The following CELF1 variants were observed in gnomAD, a reference collection of about 807,000 sequenced individuals.
CELF1 encodes the protein 50 kDa nuclear polyadenylated RNA-binding protein.
A neutral mutation model predicts 61.8 loss-of-function variants in CELF1; 10 were observed. That is an observed-to-expected ratio of 0.16 (90% confidence interval 0.10 to 0.27). CELF1 has a LOEUF of 0.27. CELF1 is among the 10% of genes least tolerant of loss of function. The pLI is 1.00. For missense variants in CELF1, 380 were observed against 639.1 expected, an observed-to-expected ratio of 0.59 and a Z score of 4.37; for synonymous variants, 236 against 225.1, an observed-to-expected ratio of 1.05 and a Z score of -0.43.
At chr11:47,513,149 T>C (rs1015987711) in intron 1 of CELF1, among the ~76,000 whole-genome samples, 16 of 152,348 alleles carry the variant, frequency 1.1e-4, no homozygotes, top group Middle Eastern at 3.4e-3. Context: ...TAAACAGCTA[T>C]CTAGTTTAGT....
At chr11:47,542,323 G>A (rs1598414208) in intron 1 of CELF1, among the ~76,000 whole-genome samples, 1 of 151,982 alleles carries the variant, frequency 6.6e-6, no homozygotes, top group Admixed American at 6.6e-5. Context: ...AGCTGAGATC[G>A]CACCACTGCA....
chr11:47,499,647 G>A, intron 2 of CELF1, 43 bp from the exon 3 acceptor site: 1 of 718,198 alleles, frequency 1.4e-6, no homozygotes, highest in East Asian at 2.7e-5. Flanking sequence ...GGAGCTCAGG[G>A]AAACCAGCAA....
At chr11:47,557,169 G>A (rs2097207943), upstream of CELF1, among the ~76,000 whole-genome samples, 1 of 151,520 alleles carries the variant, frequency 6.6e-6, no homozygotes, top group African/African-American at 2.4e-5. Context: ...CAAAGTGCCG[G>A]GAGCCACCAC....
At chr11:47,487,010 G>T in intron 5 of CELF1, 149 bp downstream of exon 5, 1 of 740,940 alleles carries the variant, frequency 1.3e-6, no homozygotes, top group Non-Finnish European at 2.3e-6. Flanking sequence ...GGTAATCTCT[G>T]AACTGCTCCC....
At position 47,540,505 on chromosome 11, in the gene CELF1, G is replaced by C. The variant is rs80113656; in HGVS notation, c.-154+12487C>G. 8.0e-3 allele frequency among the ~76,000 whole-genome samples: 1,213 copies of C among 152,322 alleles called. 14 individuals are homozygous for C. The highest frequency in any genetic ancestry group is 0.027 in the African/African-American group (1,136 of 41,574). ...CCCACTAGCTGACAAATGTCAAACA[G>C]TTATGCATTTTCAAGCTGTCATCAC... On this transcript the variant is annotated intron_variant, in intron 1 of 14. Transcript: ENST00000687097.
chr11:47,547,158 C>T (rs1008135204), intron 1 of CELF1, among the ~76,000 whole-genome samples: 1 of 144,118 alleles, frequency 6.9e-6, no homozygotes, highest in African/African-American at 2.6e-5. Context: ...ATTTAAAATG[C>T]TATAAACAGT....
At chr11:47,473,753 C>T (rs745435921) in intron 13 of CELF1, among the ~76,000 whole-genome samples, 7 of 152,128 alleles carry the variant, frequency 4.6e-5, no homozygotes, top group Non-Finnish European at 1.0e-4. Flanking sequence ...TTTGTCAATA[C>T]TCATATAGCT....
chr11:47,492,221 T>C (rs1199074602), intron 3 of CELF1, among the ~76,000 whole-genome samples: 1 of 152,076 alleles, frequency 6.6e-6, no homozygotes. Context: ...CTCAAACGAT[T>C]CTCCCACCTC....
At chr11:47,528,890 CA>C (rs112934426) in intron 1 of CELF1, among the ~76,000 whole-genome samples, 56 of 140,906 alleles carry the variant, frequency 4.0e-4, no homozygotes, top group Non-Finnish European at 5.5e-4. Flanking sequence ...GACCCTGCCT[CA>C]AAAAAAAAAA....
chr11:47,535,870 C>A (rs1003878226), intron 1 of CELF1, among the ~76,000 whole-genome samples: 22 of 151,480 alleles, frequency 1.5e-4, no homozygotes, highest in African/African-American at 5.3e-4. Context: ...TCAAGCGAGC[C>A]TCCTGCCTCA....
chr11:47,552,685 C>T (rs1271039644), intron 1 of CELF1, among the ~76,000 whole-genome samples: 2 of 152,212 alleles, frequency 1.3e-5, no homozygotes, highest in East Asian at 3.9e-4. Flanking sequence ...GGGCACGAGG[C>T]CTCTGAGCCT....
chr11:47,502,656 C>T (rs147977537), intron 1 of CELF1, among the ~76,000 whole-genome samples: 8 of 152,070 alleles, frequency 5.3e-5, no homozygotes, highest in Non-Finnish European at 1.0e-4. Flanking sequence ...CACGGTGAAA[C>T]CCTGTCTCTA....
chr11:47,493,212 A>T (rs1416284512), intron 3 of CELF1, among the ~76,000 whole-genome samples: 1 of 151,850 alleles, frequency 6.6e-6, no homozygotes, highest in Non-Finnish European at 1.5e-5. Context: ...ATACCAATTC[A>T]ATAGCCAGAA....
chr11:47,552,919 G>A (rs1490461844), intron 1 of CELF1, 73 bp downstream of exon 1: 1 of 397,268 alleles, frequency 2.5e-6, no homozygotes. Context: ...GACCCGCCCC[G>A]CGGCGCCTCC....
chr11:47,525,114 G>A (rs1208286910), intron 1 of CELF1, among the ~76,000 whole-genome samples: 1 of 152,134 alleles, frequency 6.6e-6, no homozygotes, highest in Non-Finnish European at 1.5e-5. Flanking sequence ...TTCTCCATTC[G>A]AGTGAACAAT....
intron 3 of CELF1, among the ~76,000 whole-genome samples, chr11:47,490,139 A>ATGTT (rs2090649785): frequency 6.6e-6 from 1 of 150,802 alleles, no homozygotes. Context: ...GGCTTTCACC[A>ATGTT]TGTTGGCCAG....
chr11:47,479,389 C>CA (rs2081740955), intron 9 of CELF1, among the ~76,000 whole-genome samples: 1 of 152,258 alleles, frequency 6.6e-6, no homozygotes, highest in South Asian at 2.1e-4. Flanking sequence ...TCTGGATACT[C>CA]AATTTCTACT....
chr11:47,557,206 GGTTTTGTTT>G (rs1340974517), upstream of CELF1, among the ~76,000 whole-genome samples: 2 of 150,200 alleles, frequency 1.3e-5, no homozygotes, highest in East Asian at 2.0e-4. Context: ...TTTCTTTCTT[GGTTTTGTTT>G]GTTTTGTTTT....
Position 47,472,173 on chromosome 11 carries a change from T to C in CELF1, c.*57A>G. The C allele has an allele frequency of 6.3e-7, 1 of 1,598,130 alleles. No individual in the cohort carries two copies. ...CCTCAGGGCTTCGAATCATTAAGGG[T>C]GCTCCTCCCCCACTTACCAGAAGAC... is the stretch of plus-strand genomic sequence containing the variant. On this transcript the variant is annotated 3_prime_UTR_variant, in exon 15 of 15. Transcript: ENST00000687097.
Sources: gnomAD v4.1 joint callset for allele counts (sites outside exome capture counted in the v4.1 genomes callset) on GRCh38, gnomAD v4.1.1 for gene constraint, MANE v1.5 for transcripts, NCBI Gene and HGNC (gene_info 2026-07-23, HGNC 2026-07-21) for gene names.